The following TEX13A variants were observed in gnomAD, a reference collection of about 807,000 sequenced individuals.
The protein encoded by TEX13A is testis expressed 13A.
A neutral mutation model predicts 7.1 loss-of-function variants in TEX13A; 8 were observed. The observed-to-expected ratio is 1.12, with a 90% CI of 0.66 to 2.03. The LOEUF (loss-of-function observed/expected upper bound fraction) is 2.03. Ranked by LOEUF, TEX13A falls within the 30% of genes most tolerant of loss-of-function variation. The pLI is 0.00. For missense variants in TEX13A, 362 were observed against 332.2 expected (o/e 1.09, Z -0.70); for synonymous variants, 151 against 134.2 (o/e 1.13, Z -0.87).
chrX:105,219,051 G>C lies in TEX13A; in HGVS notation c.1143C>G (p.Asp381Glu). 8.3e-7 allele frequency: 1 copy of C among 1,210,915 alleles called. No homozygotes were observed. ...PPVYRRPGDW[D>E]CPWCNAVNFS... ...AATTCACAGCGTTACACCAAGGGCA[G>C]TCCCAGTCCCCTGGCCTGCGATATA... Residue 381 changes from aspartate to glutamate, a missense_variant, in exon 3 of 3, where the codon GAC becomes GAG. By Grantham distance (45) the Asp-to-Glu change is conservative. Coordinates refer to ENST00000600991, the MANE Select transcript of TEX13A (RefSeq NM_031274.5).
At position 105,219,970 on chromosome X, in the gene TEX13A, C is replaced by T. The variant is rs782792744; in HGVS notation, c.428G>A (p.Arg143Lys). The stretch of plus-strand genomic sequence containing the variant: ...GAGCGGCTTCCAACTCACCTTGTCT[C>T]TCTCTTTCTGCACCTCCACGAGGCT... ...QTSLVEVQKE[R>K]DKELVSPHEW... The change falls in exon 2 of 3, where the codon AGA (arginine) becomes AAA (lysine). Residue 143 changes from arginine (R) to lysine (K), a missense_variant. By Grantham distance (26) the Arg-to-Lys change is conservative. Transcript: ENST00000600991. 4 of 1,199,816 alleles carry T rather than the reference C, an allele frequency of 3.3e-6. No homozygotes were observed. The highest frequency in any genetic ancestry group is 4.5e-6 in the Non-Finnish European group (4 of 889,099).
chrX:105,219,502 C>T lies in TEX13A; in HGVS notation c.692G>A (p.Arg231Lys), dbSNP rs372454217. ...METQFPHVEA[R>K]AASMETTEKL... ...CTCTGTGGTCTCCATGGAGGCAGCC[C>T]TGGCCTCCACGTGGGGGAACTGGGT... is the stretch of plus-strand genomic sequence containing the variant. The change falls in exon 3 of 3, where the codon AGG (arginine) becomes AAG (lysine). Residue 231 changes from arginine (R) to lysine (K), a missense_variant. Transcript: ENST00000600991. 1 of 1,207,111 alleles carries T rather than the reference C, an allele frequency of 8.3e-7. No individual in the cohort carries two copies. The highest frequency in any genetic ancestry group is 1.8e-5 in the African/African-American group (1 of 56,791).
intron 1 of TEX13A, 70 bp from the exon 2 acceptor site, chrX:105,220,499 G>T (rs908355767): frequency 1.9e-5 from 15 of 785,572 alleles, no homozygotes; most frequent in Admixed American, 4.1e-5. Context: ...ATCTTCTCCC[G>T]CCCTCTTGTC....
chrX:105,219,930 G>A (rs2147625825), intron 2 of TEX13A, 33 bp downstream of exon 2: 1 of 1,163,082 alleles, frequency 8.6e-7, no homozygotes, highest in East Asian at 3.0e-5. Flanking sequence ...ACCAGTTGAG[G>A]GATCTTACTG....
chrX:105,219,948 C>A lies in TEX13A; in HGVS notation c.435+15G>T. 1 of 1,182,965 alleles carries A rather than the reference C, an allele frequency of 8.5e-7. No individual in the cohort carries two copies. Among genetic ancestry groups the A allele is most frequent in the South Asian group, 1.9e-5 (1 of 52,962 alleles). On this transcript the variant is annotated intron_variant, in intron 2 of 2. Coordinates refer to ENST00000600991, the MANE Select transcript of TEX13A (RefSeq NM_031274.5). ...AGTTGAGGGATCTTACTGCATGGAG[C>A]GGCTTCCAACTCACCTTGTCTCTCT...
In TEX13A at chrX:105,220,221, C is replaced by T; in HGVS notation, c.177G>A (p.Val59=). ...TGCAGGCCTCTTTGACCTCACTGGG[C>T]ACCTCGCTGTCCTCCAGTATGGCCC... ...KLRAILEDSE[V]PSEVKEACTW... is the part of the protein sequence containing the mutation. The change falls in exon 2 of 3, where the codon GTG becomes GTA. Residue 59 remains valine, a synonymous_variant. Coordinates refer to ENST00000600991, the MANE Select transcript of TEX13A (RefSeq NM_031274.5). The T allele has an allele frequency of 1.7e-6, 2 of 1,211,579 alleles. No homozygotes were observed. The highest frequency in any genetic ancestry group is 2.2e-6 in the Non-Finnish European group (2 of 895,340).
At chrX:105,219,880 G>A in intron 2 of TEX13A, 83 bp downstream of exon 2, 1 of 1,079,306 alleles carries the variant, frequency 9.3e-7, no homozygotes, top group African/African-American at 1.8e-5. Context: ...GCAGGGTGGA[G>A]AGGGGTGGGA....
rs782193389 is a variant in TEX13A at position 105,220,407 on chromosome X, G to A, written c.-10C>T. 1.1e-5 allele frequency: 13 copies of A among 1,163,952 alleles called. No homozygotes were observed. The highest frequency in any genetic ancestry group is 5.5e-4 in the Middle Eastern group (2 of 3,638). On this transcript the variant is annotated 5_prime_UTR_variant, in exon 2 of 3. Transcript: ENST00000600991. ...CAGGTCTCAAGGCCATGATCGCCTA[G>A]GGGTTTAACGGTTTCACTAGCCCTG...
At position 105,220,376 on chromosome X, in the gene TEX13A, G is replaced by T. The variant is rs782662637; in HGVS notation, c.22C>A (p.Pro8Thr). The T allele has an allele frequency of 2.1e-5, 25 of 1,188,667 alleles. No homozygotes were observed. The highest frequency in any genetic ancestry group is 2.7e-5 in the Non-Finnish European group (24 of 883,047). ...TTGCTATGCCGGAACCCGCTACTGG[G>T]GTCCTCAGGTCTCAAGGCCATGATC... MALRPED[P>T]SSGFRHSNVV... Residue 8 changes from proline to threonine, a missense_variant, in exon 2 of 3, where the codon CCC (proline) becomes ACC (threonine). Coordinates refer to ENST00000600991, the MANE Select transcript of TEX13A (RefSeq NM_031274.5).
chrX:105,220,489 A>G lies in TEX13A; in HGVS notation c.-32-60T>C, dbSNP rs6621945. 13,898 of 842,173 alleles carry G rather than the reference A, an allele frequency of 0.017. 1,072 individuals are homozygous for G. The African/African-American group carries it at 0.24, about 14-fold the overall frequency. 69.4% of individuals were successfully genotyped at this position (842,173 alleles called of 1,213,427 possible). ...TCCCCCTTAGCCCCTCCCCTCATCC[A>G]TCTTCTCCCGCCCTCTTGTCCCCGC... is the stretch of plus-strand genomic sequence containing the variant. On this transcript the variant is annotated intron_variant, in intron 1 of 2. Coordinates refer to ENST00000600991, the MANE Select transcript of TEX13A (RefSeq NM_031274.5).
intron 2 of TEX13A, 90 bp from the exon 3 acceptor site, chrX:105,219,848 C>A: frequency 1.0e-6 from 1 of 967,832 alleles, no homozygotes; most frequent in Non-Finnish European, 1.4e-6. Context: ...GTGGGAAGGG[C>A]GGGGCAGGGC....
In TEX13A at chrX:105,219,513, G is replaced by T. The variant is rs377179572; in HGVS notation, c.681C>A (p.His227Gln). 2.2e-4 allele frequency: 267 copies of T among 1,206,947 alleles called. No homozygotes were observed. Among genetic ancestry groups the T allele is most frequent in the Non-Finnish European group, 2.8e-4 (251 of 894,584 alleles). Residue 227 changes from histidine to glutamine, a missense_variant, in exon 3 of 3, where the codon CAC becomes CAA. By Grantham distance (24) the His-to-Gln change is conservative (BLOSUM62 0). Transcript: ENST00000600991. ...CCATGGAGGCAGCCCTGGCCTCCACGTGGGGGAACTGGGTCTCCATGGGGG... is the reference window on the plus strand; with the variant it reads ...CCATGGAGGCAGCCCTGGCCTCCACTTGGGGGAACTGGGTCTCCATGGGGG... Reference protein sequence around the residue: ...GAAPMETQFPHVEARAASMET... With the variant: ...GAAPMETQFPQVEARAASMET...
In TEX13A at chrX:105,219,071, G is replaced by A. The variant is rs782414664; in HGVS notation, c.1123C>T (p.Arg375Cys). The A allele has an allele frequency of 1.1e-5, 13 of 1,208,577 alleles. No individual in the cohort carries two copies. Among genetic ancestry groups the A allele is most frequent in the Admixed American group, 2.2e-5 (1 of 45,726 alleles). Residue 375 changes from arginine to cysteine, a missense_variant, in exon 3 of 3, where the codon CGC becomes TGC. Physicochemically the swap from Arg to Cys is radical, Grantham distance 180. Transcript: ENST00000600991. ...EPHQQRPPVY[R>C]RPGDWDCPWC... is the part of the protein sequence containing the mutation. ...GGGCAGTCCCAGTCCCCTGGCCTGC[G>A]ATATACTGGAGGTCTTTGCTGATGA...
chrX:105,220,462 C>T, intron 1 of TEX13A, 33 bp from the exon 2 acceptor site: 1 of 1,007,728 alleles, frequency 9.9e-7, no homozygotes, highest in Non-Finnish European at 1.3e-6. Context: ...AGGTTCCTTT[C>T]CTCCCCCTTA....
At position 105,220,349 on chromosome X, in the gene TEX13A, C is replaced by T. The variant is rs781885185; in HGVS notation, c.49G>A (p.Val17Met). The change falls in exon 2 of 3, where the codon GTG (valine) becomes ATG (methionine). Residue 17 changes from valine to methionine, a missense_variant. Val to Met is a conservative substitution (Grantham distance 21). Transcript: ENST00000600991. ...ATTTTCTCGTTGATGAAGGCCACCA[C>T]GTTGCTATGCCGGAACCCGCTACTG... ...DPSSGFRHSN[V>M]VAFINEKMAR... 8.3e-7 allele frequency: 1 copy of T among 1,203,707 alleles called. No individual in the cohort carries two copies. The highest frequency in any genetic ancestry group is 1.1e-6 in the Non-Finnish European group (1 of 890,778).
Position 105,219,752 on chromosome X carries a change from C to T in TEX13A, c.442G>A (p.Val148Met). Residue 148 changes from valine to methionine, a missense_variant, in exon 3 of 3, where the codon GTG becomes ATG. Val to Met is a conservative substitution (Grantham distance 21). Coordinates refer to ENST00000600991, the MANE Select transcript of TEX13A (RefSeq NM_031274.5). Reference protein sequence around the residue: ...EVQKERDKELVSPHEWEQGAG... With the variant: ...EVQKERDKELMSPHEWEQGAG... ...CCCTGCTCCCACTCATGGGGAGACACCAGCTCCTGGAGAGAAGTGGGCAGG... is the reference window on the plus strand; with the variant it reads ...CCCTGCTCCCACTCATGGGGAGACATCAGCTCCTGGAGAGAAGTGGGCAGG... 8.3e-7 allele frequency: 1 copy of T among 1,202,418 alleles called. No homozygotes were observed. Among genetic ancestry groups the T allele is most frequent in the Non-Finnish European group, 1.1e-6 (1 of 893,321 alleles).
At position 105,220,199 on chromosome X, in the gene TEX13A, A is replaced by G; in HGVS notation, c.199T>C (p.Cys67Arg). ...SEVPSEVKEA[C>R]TWGSLALGVR... ...CCCAAGGCCAGGCTGCCCCAGGTGC[A>G]GGCCTCTTTGACCTCACTGGGCACC... is the stretch of plus-strand genomic sequence containing the variant. Residue 67 changes from cysteine to arginine, a missense_variant, in exon 2 of 3, where the codon TGC (cysteine) becomes CGC (arginine). Physicochemically the swap from Cys to Arg is radical, Grantham distance 180. Transcript: ENST00000600991. 1 of 1,211,656 alleles carries G rather than the reference A, an allele frequency of 8.3e-7. No homozygotes were observed. The highest frequency in any genetic ancestry group is 3.0e-5 in the East Asian group (1 of 33,797).
chrX:105,219,390 C>T lies in TEX13A; in HGVS notation c.804G>A (p.Arg268=), dbSNP rs782402476. Residue 268 remains arginine, a synonymous_variant, in exon 3 of 3, where the codon CGG becomes CGA. Transcript: ENST00000600991. ...TYWGQKEGDL[R]SVETATSYFS... ...AATAAGATGTGGCTGTTTCGACCGA[C>T]CGGAGATCTCCCTCCTTCTGCCCCC... The T allele has an allele frequency of 2.5e-6, 3 of 1,208,346 alleles. No individual in the cohort carries two copies. Among genetic ancestry groups the T allele is most frequent in the Non-Finnish European group, 3.4e-6 (3 of 894,752 alleles).
rs1556177742 is a variant in TEX13A at position 105,219,803 on chromosome X, C to T, written c.436-45G>A. On this transcript the variant is annotated intron_variant, in intron 2 of 2. Transcript: ENST00000600991. ...GCTGAGGTGTGTTCTGGGGGCAAGG[C>T]GGGAGCACTAAGCAGGGTAGGACGG... is the stretch of plus-strand genomic sequence containing the variant. The T allele has an allele frequency of 5.3e-6, 6 of 1,139,106 alleles. No individual in the cohort carries two copies. The African/African-American group carries it at 5.5e-5, about 10-fold the overall frequency. 93.9% of individuals were successfully genotyped at this position (1,139,106 alleles called of 1,213,427 possible). A position where few individuals can be genotyped will look rare whatever the true frequency, so the allele number is the denominator to read the frequency against.
Sources: allele counts gnomAD v4.1 joint callset, GRCh38; gene constraint gnomAD v4.1.1; transcripts MANE v1.5; gene names NCBI Gene and HGNC (gene_info 2026-07-23, HGNC 2026-07-21).